The following RBFOX1 variants were observed in gnomAD, a reference collection of about 807,000 sequenced individuals.
RBFOX1 encodes the protein RNA binding protein fox-1 homolog 1.
RBFOX1 carries 8 observed loss-of-function variants against 57.7 expected under a neutral mutation model. The ratio of observed to expected loss-of-function variants is 0.14; its 90% CI spans 0.08 to 0.25. The LOEUF (loss-of-function observed/expected upper bound fraction) is 0.25, where lower values mean the gene tolerates loss of function less well. Among genes scored for constraint, RBFOX1 ranks in the 10% least tolerant of loss-of-function variants. The pLI, the probability that RBFOX1 is intolerant of heterozygous loss-of-function variation, is 1.00. For synonymous variants in RBFOX1, 326 were observed against 222.4 expected (o/e 1.47, Z -4.15); for missense variants, 611 against 548.5 (o/e 1.11, Z -1.14).
At chr16:5,294,246 A>G (rs2063606993) in intron 1 of RBFOX1, among the ~76,000 whole-genome samples, 1 of 152,014 alleles carries the variant, frequency 6.6e-6, no homozygotes, top group African/African-American at 2.4e-5. Flanking sequence ...AAAAACAAGA[A>G]ACACACACAC....
At chr16:5,536,097 C>A (rs923450348) in intron 2 of RBFOX1, among the ~76,000 whole-genome samples, 1 of 45,046 alleles carries the variant, frequency 2.2e-5, no homozygotes, top group Non-Finnish European at 3.9e-5. Context: ...GTCATCAAGC[C>A]CCCCCCCCCT....
chr16:5,429,989 G>C (rs959840493), intron 1 of RBFOX1, among the ~76,000 whole-genome samples: 2 of 152,194 alleles, frequency 1.3e-5, no homozygotes, highest in Admixed American at 6.5e-5. Context: ...GAGGCAGAGA[G>C]GAGGCTGTTA....
chr16:7,570,287 C>A (rs2092640514), intron 5 of RBFOX1, among the ~76,000 whole-genome samples: 1 of 151,888 alleles, frequency 6.6e-6, no homozygotes, highest in African/African-American at 2.4e-5. Flanking sequence ...ATATCTAATG[C>A]TGTGTGATGA....
At chr16:6,477,936 C>T (rs762948881) in intron 2 of RBFOX1, among the ~76,000 whole-genome samples, 2 of 152,164 alleles carry the variant, frequency 1.3e-5, no homozygotes, top group South Asian at 4.1e-4. Flanking sequence ...ATGAACCAAC[C>T]TCTGCTAGCT....
At chr16:7,135,152 G>A (rs939303204) in intron 4 of RBFOX1, among the ~76,000 whole-genome samples, 5 of 152,212 alleles carry the variant, frequency 3.3e-5, no homozygotes, top group African/African-American at 1.2e-4. Context: ...TTCTGAGTTC[G>A]TGTTTATTTC....
intron 3 of RBFOX1, among the ~76,000 whole-genome samples, chr16:6,919,969 T>G (rs1169459238): frequency 6.6e-6 from 1 of 152,000 alleles, no homozygotes; most frequent in Non-Finnish European, 1.5e-5. Flanking sequence ...CAAAGTCCAT[T>G]ACATCATTCT....
At chr16:6,822,035 GACTTGA>G (rs2091398629) in intron 3 of RBFOX1, among the ~76,000 whole-genome samples, 1 of 152,186 alleles carries the variant, frequency 6.6e-6, no homozygotes. Flanking sequence ...TGGTTGTATA[GACTTGA>G]CAAGTGATCA....
intron 1 of RBFOX1, among the ~76,000 whole-genome samples, chr16:5,428,686 T>C (rs916027893): frequency 2.0e-5 from 3 of 151,970 alleles, no homozygotes; most frequent in African/African-American, 7.3e-5. Context: ...AGCTGGCCAG[T>C]GGACATCTGG....
intron 2 of RBFOX1, among the ~76,000 whole-genome samples, chr16:6,615,221 T>C (rs963315883): frequency 6.6e-6 from 1 of 152,240 alleles, no homozygotes; most frequent in Non-Finnish European, 1.5e-5. Context: ...AAACTTCTTA[T>C]ACAGAGAACT....
intron 4 of RBFOX1, among the ~76,000 whole-genome samples, chr16:7,435,441 A>C (rs2149711832): frequency 6.6e-6 from 1 of 152,256 alleles, no homozygotes; most frequent in East Asian, 1.9e-4. Context: ...TGGCTGAGGC[A>C]GTGCCTGTCT....
intron 2 of RBFOX1, among the ~76,000 whole-genome samples, chr16:6,369,007 A>T (rs1054236957): frequency 6.6e-6 from 1 of 152,228 alleles, no homozygotes; most frequent in African/African-American, 2.4e-5. Context: ...TAAAATTGAA[A>T]ACATGCTTGT....
chr16:5,573,486 A>G (rs2046352727), intron 2 of RBFOX1, among the ~76,000 whole-genome samples: 1 of 152,214 alleles, frequency 6.6e-6, no homozygotes, highest in South Asian at 2.1e-4. Flanking sequence ...ATTGTATTGT[A>G]GTATGCACAG....
intron 3 of RBFOX1, among the ~76,000 whole-genome samples, chr16:6,765,441 C>T (rs1051997445): frequency 6.6e-6 from 1 of 152,052 alleles, no homozygotes; most frequent in Non-Finnish European, 1.5e-5. Flanking sequence ...GACTGAATAC[C>T]TGGGCAATGA....
intron 4 of RBFOX1, among the ~76,000 whole-genome samples, chr16:7,270,391 C>T (rs891284270): frequency 6.6e-5 from 10 of 151,950 alleles, no homozygotes; most frequent in African/African-American, 1.9e-4. Context: ...AGAAGTTTAA[C>T]GCAAGTAAAA....
chr16:6,886,754 G>GA (rs1454320964), intron 3 of RBFOX1, among the ~76,000 whole-genome samples: 1 of 77,534 alleles, frequency 1.3e-5, no homozygotes, highest in Admixed American at 1.7e-4. Context: ...GACTCTATCT[G>GA]AAAAAAACAA....
At chr16:7,242,685 A>G (rs1023649445) in intron 4 of RBFOX1, among the ~76,000 whole-genome samples, 2 of 152,164 alleles carry the variant, frequency 1.3e-5, no homozygotes, top group African/African-American at 4.8e-5. Flanking sequence ...ATTTGCATCC[A>G]TGTGACTTGA....
rs1025309826 is a variant in RBFOX1, at chr16:5,935,934, G to A, written c.351+68599G>A. On this transcript the variant is annotated intron_variant, in intron 4 of 19. Transcript: ENST00000641259. ...TACAAGCAAAACTCTACCTCAACCA[G>A]CCTCCCCTGGAGGCCCTCAGGGCCT... Among the ~76,000 whole-genome samples the A allele has an allele frequency of 1.2e-4, 19 of 152,236 alleles. No homozygotes were observed. In the East Asian group the frequency reaches 2.9e-3, roughly 23 times the overall value.
intron 1 of RBFOX1, among the ~76,000 whole-genome samples, chr16:5,311,107 C>A (rs2064075661): frequency 1.3e-5 from 2 of 152,130 alleles, no homozygotes; most frequent in African/African-American, 4.8e-5. Flanking sequence ...TTTCCCATTC[C>A]TGAGTTACTT....
intron 3 of RBFOX1, among the ~76,000 whole-genome samples, chr16:5,625,991 C>G (rs2048339298): frequency 6.6e-6 from 1 of 152,224 alleles, no homozygotes; most frequent in African/African-American, 2.4e-5. Flanking sequence ...ATTCTCCTGC[C>G]TCAGCCTCCC....
Sources: allele counts gnomAD v4.1 joint callset (sites outside exome capture counted in the v4.1 genomes callset), GRCh38; gene constraint gnomAD v4.1.1; transcripts MANE v1.5; gene names NCBI Gene and HGNC (gene_info 2026-07-23, HGNC 2026-07-21).